TOP1: variants seen among roughly 807,000 people sequenced by gnomAD.
TOP1 encodes the protein DNA topoisomerase I, also known as DNA topoisomerase 1.
TOP1 carries 10 observed loss-of-function variants against 111.1 expected under a neutral mutation model. The observed-to-expected ratio is 0.09, with a 90% confidence interval of 0.06 to 0.15. TOP1 has a LOEUF of 0.15. Among genes scored for constraint, TOP1 ranks in the 10% least tolerant of loss-of-function variants. The pLI is 1.00. For synonymous variants in TOP1, 271 were observed against 302.9 expected, an observed-to-expected ratio of 0.89 and a Z score of 1.10; for missense variants, 474 against 926.7, an observed-to-expected ratio of 0.51 and a Z score of 6.34.
intron 3 of TOP1, among the ~76,000 whole-genome samples, chr20:41,075,150 A>G (rs973215222): frequency 6.6e-6 from 1 of 152,080 alleles, no homozygotes; most frequent in Non-Finnish European, 1.5e-5. Context: ...GGGAAGCACC[A>G]AAATAAACCT....
chr20:41,052,702 A>C (rs542560827), intron 2 of TOP1, among the ~76,000 whole-genome samples: 27 of 152,274 alleles, frequency 1.8e-4, no homozygotes, highest in African/African-American at 6.3e-4. Flanking sequence ...TTAAAAGAAA[A>C]AAAAAGGACC....
chr20:41,035,899 C>T (rs1236958056), intron 2 of TOP1, among the ~76,000 whole-genome samples: 1 of 152,180 alleles, frequency 6.6e-6, no homozygotes, highest in Admixed American at 6.5e-5. Context: ...TTGTGGATCT[C>T]ATTGGCTAAG....
At chr20:41,104,160 A>C (rs1316227362) in intron 13 of TOP1, among the ~76,000 whole-genome samples, 1 of 152,224 alleles carries the variant, frequency 6.6e-6, no homozygotes, top group Non-Finnish European at 1.5e-5. Flanking sequence ...TTGAAGAGTT[A>C]CTAGCTGTTG....
Position 41,061,263 on chromosome 20 carries a change from A to T in TOP1, c.59-131A>T. 1.4e-6 allele frequency: 1 copy of T among 739,826 alleles called. No individual in the cohort carries two copies. Among genetic ancestry groups the T allele is most frequent in the African/African-American group, 1.8e-5 (1 of 56,880 alleles). 45.8% of individuals were successfully genotyped at this position (739,826 alleles called of 1,614,324 possible). The stretch of plus-strand genomic sequence containing the variant: ...CTTCTTTGTGAAAGCTTTTTTTTTC[A>T]GTGGCATGTGCTATTATGCCTACCA... On this transcript the variant is annotated intron_variant, in intron 2 of 20. Coordinates refer to ENST00000361337, the MANE Select transcript of TOP1 (RefSeq NM_003286.4). This position sits in a 1 kb window ranked among gnomAD's most constrained non-coding sequence, Gnocchi z 4.6.
In TOP1 at chr20:41,103,818, A is replaced by G. The variant is rs146324365; in HGVS notation, c.1308+2465A>G. Among the ~76,000 whole-genome samples the G allele has an allele frequency of 2.2e-3, 327 of 152,036 alleles. 1 individual carries two copies. The highest frequency in any genetic ancestry group is 6.5e-3 in the African/African-American group (268 of 41,468). ...AAACACCCATTCTCCTATTCTTTCC[A>G]GGGATACAATCCTATTCATCCTGTA... On this transcript the variant is annotated intron_variant, in intron 13 of 20. Transcript: ENST00000361337.
chr20:41,083,952 A>G lies in TOP1; in HGVS notation c.508-510A>G, dbSNP rs2033817214. On this transcript the variant is annotated intron_variant, in intron 7 of 20. Coordinates refer to ENST00000361337, the MANE Select transcript of TOP1 (RefSeq NM_003286.4). The surrounding 1 kb of genome is among the most constrained non-coding windows in gnomAD (Gnocchi z 7.2). ...TTGGTGTCATTTTAGAACCTATCAA[A>G]TACTTGCTTACTGCATCATGACTTT... Among the ~76,000 whole-genome samples the G allele has an allele frequency of 6.6e-6, 1 of 152,150 alleles. No homozygotes were observed. Among genetic ancestry groups the G allele is most frequent in the Non-Finnish European group, 1.5e-5 (1 of 68,012 alleles).
intron 8 of TOP1, among the ~76,000 whole-genome samples, chr20:41,089,593 C>G (rs2033893974): frequency 6.6e-6 from 1 of 152,188 alleles, no homozygotes; most frequent in Non-Finnish European, 1.5e-5. Flanking sequence ...TTGGCTGTTG[C>G]AGATAGTGCT....
intron 18 of TOP1, among the ~76,000 whole-genome samples, chr20:41,119,496 T>G (rs778692386): frequency 6.6e-6 from 1 of 152,226 alleles, no homozygotes; most frequent in Non-Finnish European, 1.5e-5. Flanking sequence ...AAAGAGGTTA[T>G]TGAAATTATA....
At chr20:41,047,533 A>G (rs1363219633) in intron 2 of TOP1, among the ~76,000 whole-genome samples, 1 of 152,200 alleles carries the variant, frequency 6.6e-6, no homozygotes, top group Non-Finnish European at 1.5e-5. Context: ...TAGTTGGAGG[A>G]AAAAAATTGA....
At chr20:41,047,969 G>GT (rs1384537250) in intron 2 of TOP1, among the ~76,000 whole-genome samples, 1 of 152,070 alleles carries the variant, frequency 6.6e-6, no homozygotes, top group East Asian at 1.9e-4. Flanking sequence ...CTAAGTTAGA[G>GT]TAGCTGTGCC....
chr20:41,082,997 TC>T lies in TOP1; in HGVS notation c.508-1464del, dbSNP rs2033807073. Among the ~76,000 whole-genome samples the T allele has an allele frequency of 6.6e-6, 1 of 152,218 alleles. No homozygotes were observed. The highest frequency in any genetic ancestry group is 1.5e-5 in the Non-Finnish European group (1 of 68,032). On this transcript the variant is annotated intron_variant, in intron 7 of 20. Coordinates refer to ENST00000361337, the MANE Select transcript of TOP1 (RefSeq NM_003286.4). The surrounding 1 kb of genome is among the most constrained non-coding windows in gnomAD (Gnocchi z 4.1). ...TGGCTGAAAGACTGAATTAATACAA[TC>T]TTACTGTGGCAGGGACCCCAGATGG...
intron 2 of TOP1, among the ~76,000 whole-genome samples, chr20:41,036,298 A>C (rs565055190): frequency 6.6e-6 from 1 of 152,242 alleles, no homozygotes; most frequent in Non-Finnish European, 1.5e-5. Context: ...TGTATGTGGA[A>C]TGTTAGGTCT....
At position 41,070,236 on chromosome 20, in the gene TOP1, A is replaced by G. The variant is rs537665882; in HGVS notation, c.156-5935A>G. ...GCTGTTCACGCTATTAATAGAGACA[A>G]AGAACTTAAGGGAGGAATGGGAGTT... On this transcript the variant is annotated intron_variant, in intron 3 of 20. Transcript: ENST00000361337. Among the ~76,000 whole-genome samples the G allele has an allele frequency of 3.9e-5, 6 of 152,338 alleles. No homozygotes were observed. In the East Asian group the frequency reaches 5.8e-4, roughly 15 times the overall value.
Position 41,123,075 on chromosome 20 carries a change from T to C in TOP1, c.2196-120T>C. On this transcript the variant is annotated intron_variant, in intron 20 of 20. Transcript: ENST00000361337. This position sits in a 1 kb window ranked among gnomAD's most constrained non-coding sequence, Gnocchi z 5.8. ...CCTTTAGAACATGCTTGGTGCACTA[T>C]TAATTTGCATCCTCACTAGACAGAT... is the stretch of plus-strand genomic sequence containing the variant. 1 of 662,640 alleles carries C rather than the reference T, an allele frequency of 1.5e-6. No individual in the cohort carries two copies. The highest frequency in any genetic ancestry group is 1.9e-5 in the South Asian group (1 of 53,126). 41.0% of individuals were successfully genotyped at this position (662,640 alleles called of 1,614,324 possible).
chr20:41,107,169 A>G (rs892285042), intron 13 of TOP1, among the ~76,000 whole-genome samples: 3 of 152,204 alleles, frequency 2.0e-5, no homozygotes, highest in African/African-American at 7.2e-5. Context: ...AGTGTCTTAT[A>G]GGGAAGATTC....
rs2033130321 is a variant in TOP1, at chr20:41,032,273, G to A, written c.58+2818G>A. Among the ~76,000 whole-genome samples the A allele has an allele frequency of 6.6e-6, 1 of 150,992 alleles. No individual in the cohort carries two copies. The highest frequency in any genetic ancestry group is 2.1e-4 in the South Asian group (1 of 4,760). ...CCCCCCACTTTGGAGCTCATTCTTCGCAATATTTAAAATTGTAGCTCTTTG... is the reference window on the plus strand; with the variant it reads ...CCCCCCACTTTGGAGCTCATTCTTCACAATATTTAAAATTGTAGCTCTTTG... On this transcript the variant is annotated intron_variant, in intron 2 of 20. Transcript: ENST00000361337. This position sits in a 1 kb window ranked among gnomAD's most constrained non-coding sequence, Gnocchi z 4.3.
rs2122577174 is a variant in TOP1 at position 41,029,014 on chromosome 20, T to C, written c.-54T>C. The C allele has an allele frequency of 6.6e-7, 1 of 1,510,854 alleles. No homozygotes were observed. The highest frequency in any genetic ancestry group is 8.9e-7 in the Non-Finnish European group (1 of 1,125,430). The allele number at this position is 1,510,854 out of a possible 1,614,324, so 93.6% of individuals were successfully genotyped here. On this transcript the variant is annotated 5_prime_UTR_variant, in exon 1 of 21. Coordinates refer to ENST00000361337, the MANE Select transcript of TOP1 (RefSeq NM_003286.4). This position sits in a 1 kb window ranked among gnomAD's most constrained non-coding sequence, Gnocchi z 6.1. Reference sequence around the variant, plus strand: ...CGCCCGCACAGGCCGGTTCGCCGTCTGCGTCTCCCCCACGCCGCCTCGCCT... The same window carrying C: ...CGCCCGCACAGGCCGGTTCGCCGTCCGCGTCTCCCCCACGCCGCCTCGCCT...
At chr20:41,077,036 G>GTA (rs2033736023) in intron 4 of TOP1, among the ~76,000 whole-genome samples, 1 of 152,182 alleles carries the variant, frequency 6.6e-6, no homozygotes, top group African/African-American at 2.4e-5. Flanking sequence ...GGGGTCATGA[G>GTA]TATACTTTGC....
chr20:41,074,795 C>CT (rs907629620), intron 3 of TOP1, among the ~76,000 whole-genome samples: 1 of 152,138 alleles, frequency 6.6e-6, no homozygotes, highest in East Asian at 1.9e-4. Context: ...CTGATGAAGT[C>CT]TTTTTTTCCT....
Sources: gnomAD v4.1 joint callset for allele counts (sites outside exome capture counted in the v4.1 genomes callset) on GRCh38, gnomAD v4.1.1 for gene constraint, Gnocchi (gnomAD v3.1) non-coding constraint, MANE v1.5 for transcripts, NCBI Gene and HGNC (gene_info 2026-07-23, HGNC 2026-07-21) for gene names.